The following C8orf34 variants were observed in gnomAD, a reference collection of about 807,000 sequenced individuals.
C8orf34 encodes the protein chromosome 8 open reading frame 34.
Under a neutral mutation model 68.3 loss-of-function variants are expected in C8orf34, and 65 were observed. The observed-to-expected ratio is 0.95, with a 90% CI of 0.78 to 1.17. C8orf34 has a LOEUF of 1.17. Among genes scored for constraint, C8orf34 ranks in the 50% most tolerant of loss-of-function variants. The pLI, the probability that C8orf34 is intolerant of heterozygous loss-of-function variation, is 0.00. For missense variants in C8orf34, 664 were observed against 655.4 expected, an observed-to-expected ratio of 1.01 and a Z score of -0.14; for synonymous variants, 244 against 241.2, an observed-to-expected ratio of 1.01 and a Z score of -0.11.
At chr8:68,625,801 A>G (rs1198289239) in intron 7 of C8orf34, 4 of 498,968 alleles carry the variant, frequency 8.0e-6, no homozygotes, top group Non-Finnish European at 1.4e-5. Flanking sequence ...TTCTTTTTTA[A>G]TTTATTCCAA....
chr8:68,743,021 T>C (rs1169672515), intron 10 of C8orf34, among the ~76,000 whole-genome samples: 1 of 152,210 alleles, frequency 6.6e-6, no homozygotes, highest in East Asian at 1.9e-4. Flanking sequence ...CCAATACTTC[T>C]GGTCCCTATT....
chr8:68,393,181 A>T (rs1204793943), intron 1 of C8orf34, among the ~76,000 whole-genome samples: 3 of 152,100 alleles, frequency 2.0e-5, no homozygotes, highest in Non-Finnish European at 4.4e-5. Context: ...AAACCAGGGG[A>T]GAGTTTTAAT....
chr8:68,443,101 C>G (rs780307782), intron 2 of C8orf34, among the ~76,000 whole-genome samples: 1 of 152,082 alleles, frequency 6.6e-6, no homozygotes, highest in Non-Finnish European at 1.5e-5. Context: ...GGACATGGGG[C>G]AAGAGCATCC....
intron 1 of C8orf34, among the ~76,000 whole-genome samples, chr8:68,429,559 G>A (rs1810367539): frequency 6.6e-6 from 1 of 152,196 alleles, no homozygotes; most frequent in African/African-American, 2.4e-5. Context: ...GTGCACATGT[G>A]CACACAAGAC....
At chr8:68,553,405 A>C (rs181773294) in intron 7 of C8orf34, among the ~76,000 whole-genome samples, 82 of 141,066 alleles carry the variant, frequency 5.8e-4, no homozygotes, top group African/African-American at 2.0e-3. Flanking sequence ...AAAAAAAAAA[A>C]AAAAACATAT....
intron 10 of C8orf34, among the ~76,000 whole-genome samples, chr8:68,774,331 GTATA>G (rs550713780): frequency 9.2e-6 from 1 of 108,924 alleles, no homozygotes; most frequent in Non-Finnish European, 1.9e-5. Flanking sequence ...GGGTGTGTGT[GTATA>G]TATATATATA....
chr8:68,515,401 T>A (rs7839616), intron 5 of C8orf34, among the ~76,000 whole-genome samples: 26,678 of 151,486 alleles, frequency 0.18, 4,942 homozygotes, highest in African/African-American at 0.47. Context: ...TTTATAGAAG[T>A]TAATTTCTCA....
At chr8:68,698,410 A>G (rs1820896639) in intron 8 of C8orf34, among the ~76,000 whole-genome samples, 1 of 152,122 alleles carries the variant, frequency 6.6e-6, no homozygotes, top group South Asian at 2.1e-4. Flanking sequence ...TTTCAATGTT[A>G]TAGCACAGAA....
intron 7 of C8orf34, among the ~76,000 whole-genome samples, chr8:68,576,830 C>G (rs191067648): frequency 8.6e-5 from 13 of 151,850 alleles, no homozygotes; most frequent in Non-Finnish European, 1.6e-4. Flanking sequence ...ATAAAAGAAA[C>G]AGATTAAATT....
Position 68,787,470 on chromosome 8 carries a change from G to T in C8orf34, c.1483G>T (p.Val495Phe), listed in dbSNP as rs1823876217. 1 of 1,612,268 alleles carries T rather than the reference G, an allele frequency of 6.2e-7. No individual in the cohort carries two copies. Among genetic ancestry groups the T allele is most frequent in the Non-Finnish European group, 8.5e-7 (1 of 1,178,844 alleles). ...EDESLKQLQV[V>F]HQPWILPSDT... ...TGAATCCTTAAAGCAATTGCAGGTA[G>T]TTCATCAACCATGGATCTTGCCAAG... Residue 495 changes from valine to phenylalanine, a missense_variant, in exon 12 of 14, where the codon GTT becomes TTT. Val to Phe is a conservative substitution (Grantham distance 50, BLOSUM62 -1). Transcript: ENST00000518698.
At chr8:68,535,846 C>T in intron 7 of C8orf34, 1 of 979,414 alleles carries the variant, frequency 1.0e-6, no homozygotes, top group Non-Finnish European at 1.2e-6. Flanking sequence ...AAGATATAAT[C>T]ATTTTAAGCA....
chr8:68,661,293 A>G (rs1819670768), intron 8 of C8orf34, among the ~76,000 whole-genome samples: 1 of 152,220 alleles, frequency 6.6e-6, no homozygotes, highest in African/African-American at 2.4e-5. Flanking sequence ...TTTCAGAAAA[A>G]GTCTGAGAGG....
intron 7 of C8orf34, among the ~76,000 whole-genome samples, chr8:68,581,436 G>T (rs1462597756): frequency 6.6e-6 from 1 of 152,074 alleles, no homozygotes; most frequent in Non-Finnish European, 1.5e-5. Flanking sequence ...GCCTGCTTCA[G>T]GGGAGAAGAG....
At chr8:68,772,725 TTTTCTTTC>T in intron 10 of C8orf34, among the ~76,000 whole-genome samples, 1 of 147,046 alleles carries the variant, frequency 6.8e-6, no homozygotes, top group South Asian at 2.4e-4. Flanking sequence ...CTTTCTTTCT[TTTTCTTTC>T]TTTCTTTCTC....
intron 8 of C8orf34, among the ~76,000 whole-genome samples, chr8:68,688,049 G>A (rs536847036): frequency 6.6e-6 from 1 of 152,038 alleles, no homozygotes; most frequent in Admixed American, 6.6e-5. Flanking sequence ...CTAATCATCA[G>A]GGAAATGCAA....
At chr8:68,533,463 G>C in intron 7 of C8orf34, 2 of 1,031,438 alleles carry the variant, frequency 1.9e-6, no homozygotes, top group Non-Finnish European at 2.3e-6. Context: ...TTTATTCTCT[G>C]ATAATAATTG....
intron 6 of C8orf34, among the ~76,000 whole-genome samples, chr8:68,527,316 G>T (rs1026023339): frequency 6.6e-6 from 1 of 152,124 alleles, no homozygotes; most frequent in East Asian, 1.9e-4. Context: ...AGTGGCTCAC[G>T]CCTGTAAGCG....
intron 9 of C8orf34, among the ~76,000 whole-genome samples, chr8:68,715,293 G>A (rs991242881): frequency 6.6e-6 from 1 of 152,124 alleles, no homozygotes; most frequent in Non-Finnish European, 1.5e-5. Flanking sequence ...GAACTAAAAA[G>A]CTTCTGCACA....
chr8:68,599,553 T>C (rs1817640556), intron 7 of C8orf34, among the ~76,000 whole-genome samples: 1 of 151,908 alleles, frequency 6.6e-6, no homozygotes, highest in Non-Finnish European at 1.5e-5. Context: ...TTTACATACA[T>C]AGTCTGAAAG....
Sources: allele counts gnomAD v4.1 joint callset (sites outside exome capture counted in the v4.1 genomes callset), GRCh38; gene constraint gnomAD v4.1.1; transcripts MANE v1.5; gene names NCBI Gene and HGNC (gene_info 2026-07-23, HGNC 2026-07-21).